STXBP5: variants seen among roughly 807,000 people sequenced by gnomAD.
STXBP5 encodes syntaxin-binding protein 5.
Under a neutral mutation model 152.4 loss-of-function variants are expected in STXBP5, and 50 were observed. The ratio of observed to expected loss-of-function variants is 0.33; its 90% CI spans 0.26 to 0.42. The LOEUF (loss-of-function observed/expected upper bound fraction) is 0.42. Among genes scored for constraint, STXBP5 ranks in the 10% least tolerant of loss-of-function variants. The pLI, the probability that STXBP5 is intolerant of heterozygous loss-of-function variation, is 1.00. For missense variants in STXBP5, 1,167 were observed against 1,388.6 expected (o/e 0.84, Z 2.54); for synonymous variants, 492 against 494.7 (o/e 0.99, Z 0.07).
intron 25 of STXBP5, among the ~76,000 whole-genome samples, chr6:147,364,836 G>T (rs774338603): frequency 3.5e-4 from 53 of 152,152 alleles, no homozygotes; most frequent in Non-Finnish European, 6.5e-4. Context: ...ACTTTATAAT[G>T]AAAGTTTTTG....
At position 147,314,182 on chromosome 6, in the gene STXBP5, TACACACACACACACAC is replaced by T. The variant is rs5880705; in HGVS notation, c.1294-69_1294-54del. The T allele has an allele frequency of 4.3e-5, 41 of 945,312 alleles. No homozygotes were observed. The South Asian group carries it at 5.2e-4, about 12-fold the overall frequency. 58.6% of individuals were successfully genotyped at this position (945,312 alleles called of 1,614,324 possible). On this transcript the variant is annotated intron_variant, in intron 12 of 27. Transcript: ENST00000321680. ...AAAATATGTTTTTCACTGGATTATT[TACACACACACACACAC>T]ACACACACACACGGAGGTATGTAGT...
rs183834571 is a variant in STXBP5, at chr6:147,255,235, A to G, written c.432-5380A>G. On this transcript the variant is annotated intron_variant, in intron 4 of 27. Transcript: ENST00000321680. ...ACAGGAACAGAAAACCAAACACCACATTTTCTCACTCATAAGTGGGAGCTG... is the reference window on the plus strand; with the variant it reads ...ACAGGAACAGAAAACCAAACACCACGTTTTCTCACTCATAAGTGGGAGCTG... 1.1e-4 allele frequency among the ~76,000 whole-genome samples: 17 copies of G among 152,294 alleles called. No homozygotes were observed. The East Asian group carries it at 3.3e-3, about 29-fold the overall frequency.
intron 4 of STXBP5, among the ~76,000 whole-genome samples, chr6:147,251,747 A>G (rs1779107318): frequency 1.3e-5 from 2 of 152,214 alleles, no homozygotes; most frequent in African/African-American, 4.8e-5. Context: ...CTGCTAAGGG[A>G]CAGACTGCTT....
At chr6:147,330,345 CTG>C (rs1005492494) in intron 18 of STXBP5, among the ~76,000 whole-genome samples, 44 of 152,150 alleles carry the variant, frequency 2.9e-4, no homozygotes, top group African/African-American at 7.2e-4. Flanking sequence ...AACTAAGTAA[CTG>C]AGTGCTACAT....
At chr6:147,270,272 G>T (rs1177903866) in intron 7 of STXBP5, among the ~76,000 whole-genome samples, 1 of 151,526 alleles carries the variant, frequency 6.6e-6, no homozygotes, top group Non-Finnish European at 1.5e-5. Context: ...GGTGGCAGGC[G>T]CCTGTAGTCC....
chr6:147,318,965 C>T (rs918892870), intron 16 of STXBP5, among the ~76,000 whole-genome samples: 1 of 152,044 alleles, frequency 6.6e-6, no homozygotes, highest in Non-Finnish European at 1.5e-5. Context: ...GAGGGAGCTT[C>T]TTTTAAGTTG....
In STXBP5 at chr6:147,204,477, G is replaced by A; in HGVS notation, c.-56G>A. 1.3e-6 allele frequency: 2 copies of A among 1,581,936 alleles called. No individual in the cohort carries two copies. The highest frequency in any genetic ancestry group is 1.8e-5 in the Admixed American group (1 of 56,098). ...CCTTCGGCCCCGGGTGGTCTCCCCC[G>A]CCCGGGGACCCCCTGTGCCTCCCCT... On this transcript the variant is annotated 5_prime_UTR_variant, in exon 1 of 28. Transcript: ENST00000321680. This position sits in a 1 kb window ranked among gnomAD's most constrained non-coding sequence, Gnocchi z 4.3.
Position 147,315,608 on chromosome 6 carries a change from A to G in STXBP5, c.1496A>G (p.Glu499Gly). 6.2e-7 allele frequency: 1 copy of G among 1,614,002 alleles called. No individual in the cohort carries two copies. Among genetic ancestry groups the G allele is most frequent in the African/African-American group, 1.3e-5 (1 of 75,048 alleles). The change falls in exon 15 of 28, where the codon GAA becomes GGA. Residue 499 changes from glutamate (E) to glycine (G), a missense_variant. By Grantham distance (98) the Glu-to-Gly change is moderately conservative. Coordinates refer to ENST00000321680, the MANE Select transcript of STXBP5 (RefSeq NM_001127715.4). Reference protein sequence around the residue: ...DDRPNTDIVDEDPYAIQIISW... With the variant: ...DDRPNTDIVDGDPYAIQIISW... Reference sequence around the variant, plus strand: ...AGGCCAAACACAGACATTGTAGATGAAGATCCATATGCCATTCAGATCATC... The same window carrying G: ...AGGCCAAACACAGACATTGTAGATGGAGATCCATATGCCATTCAGATCATC...
chr6:147,340,080 T>C (rs763219897), intron 21 of STXBP5, among the ~76,000 whole-genome samples: 5 of 152,152 alleles, frequency 3.3e-5, no homozygotes, highest in South Asian at 4.1e-4. Flanking sequence ...AAAAACACTT[T>C]TAGAAAAAGA....
At chr6:147,222,977 T>A (rs1395352405) in intron 2 of STXBP5, among the ~76,000 whole-genome samples, 1 of 152,252 alleles carries the variant, frequency 6.6e-6, no homozygotes, top group East Asian at 1.9e-4. Flanking sequence ...CAAGTTGTGA[T>A]TCTCTGTATC....
At chr6:147,246,949 G>A (rs1052433233) in intron 4 of STXBP5, among the ~76,000 whole-genome samples, 5 of 152,114 alleles carry the variant, frequency 3.3e-5, no homozygotes, top group African/African-American at 9.7e-5. Context: ...GTAAGTAAAT[G>A]TATATAGAAA....
intron 4 of STXBP5, among the ~76,000 whole-genome samples, chr6:147,242,926 C>T (rs1175859135): frequency 1.3e-5 from 2 of 152,130 alleles, no homozygotes; most frequent in Non-Finnish European, 2.9e-5. Flanking sequence ...AGTCTTCTGG[C>T]TTGCTAAGTC....
intron 4 of STXBP5, among the ~76,000 whole-genome samples, chr6:147,242,218 CAT>C (rs1390345804): frequency 1.4e-5 from 2 of 145,424 alleles, no homozygotes; most frequent in African/African-American, 2.5e-5. Flanking sequence ...ATAAATTAAA[CAT>C]ATAAAAAAGC....
At chr6:147,265,141 A>G (rs897645140) in intron 6 of STXBP5, among the ~76,000 whole-genome samples, 4 of 152,092 alleles carry the variant, frequency 2.6e-5, no homozygotes, top group African/African-American at 9.7e-5. Flanking sequence ...GAAAAGAGAG[A>G]GGAAACAAAT....
At chr6:147,364,295 A>G in intron 25 of STXBP5, 129 bp downstream of exon 25, 2 of 789,034 alleles carry the variant, frequency 2.5e-6, no homozygotes, top group Non-Finnish European at 3.8e-6. Flanking sequence ...AGACTGTTGA[A>G]TTAGACTTTC....
intron 4 of STXBP5, among the ~76,000 whole-genome samples, chr6:147,245,215 G>T (rs1778754792): frequency 1.3e-5 from 2 of 151,860 alleles, no homozygotes; most frequent in African/African-American, 4.8e-5. Context: ...GTACTGGGGG[G>T]TTAGGACTTC....
intron 16 of STXBP5, 45 bp from the exon 17 acceptor site, chr6:147,324,914 A>G (rs117908952): frequency 0.031 from 43,048 of 1,406,358 alleles, 739 homozygotes; most frequent in Middle Eastern, 0.047. Context: ...ATATAGGCCA[A>G]TAGTTGAAAA....
chr6:147,219,799 G>GTTTTTTT (rs35444906), intron 2 of STXBP5, among the ~76,000 whole-genome samples: 4 of 86,086 alleles, frequency 4.6e-5, no homozygotes, highest in African/African-American at 8.9e-5. Context: ...CTAGAAGCTT[G>GTTTTTTT]TTTTTTTTTT....
chr6:147,356,870 G>A (rs1385335366), intron 22 of STXBP5, among the ~76,000 whole-genome samples: 2 of 152,206 alleles, frequency 1.3e-5, no homozygotes, highest in Admixed American at 6.5e-5. Flanking sequence ...AGCATTGAAA[G>A]CATGTGATTT....
Sources: gnomAD v4.1 joint callset for allele counts (sites outside exome capture counted in the v4.1 genomes callset) on GRCh38, gnomAD v4.1.1 for gene constraint, Gnocchi (gnomAD v3.1) non-coding constraint, MANE v1.5 for transcripts, NCBI Gene and HGNC (gene_info 2026-07-23, HGNC 2026-07-21) for gene names.